SGMS1: variants seen among roughly 807,000 people sequenced by gnomAD.
The protein encoded by SGMS1 is sphingomyelin synthase 1.
SGMS1 carries 13 observed loss-of-function variants against 46.2 expected under a neutral mutation model. The observed-to-expected ratio is 0.28, with a 90% CI of 0.18 to 0.45. The LOEUF is 0.45. Ranked by LOEUF, SGMS1 falls within the 20% of genes least tolerant of loss-of-function variation. The pLI is 1.00. For synonymous variants in SGMS1, 203 were observed against 187.8 expected (o/e 1.08, Z -0.66); for missense variants, 324 against 519.9 (o/e 0.62, Z 3.66).
intron 6 of SGMS1, among the ~76,000 whole-genome samples, chr10:50,416,404 T>C (rs918251923): frequency 1.3e-5 from 2 of 152,250 alleles, no homozygotes; most frequent in Non-Finnish European, 1.5e-5. Flanking sequence ...AAGTAATGTA[T>C]ACAAAGCATC....
At position 50,558,078 on chromosome 10, in the gene SGMS1, T is replaced by A. The variant is rs117969139; in HGVS notation, c.-589+32075A>T. Reference sequence around the variant, plus strand: ...CTCACCTTGAAATTAAGAAACTGAGTCCCAGGGAAGTTAAGCTAATTGTCA... The same window carrying A: ...CTCACCTTGAAATTAAGAAACTGAGACCCAGGGAAGTTAAGCTAATTGTCA... On this transcript the variant is annotated intron_variant, in intron 2 of 10. Transcript: ENST00000361781. 4.4e-3 allele frequency among the ~76,000 whole-genome samples: 670 copies of A among 152,176 alleles called. 4 individuals are homozygous for A. The highest frequency in any genetic ancestry group is 4.3e-3 in the Non-Finnish European group (294 of 68,014).
At chr10:50,408,311 A>G (rs1849046319) in intron 6 of SGMS1, among the ~76,000 whole-genome samples, 1 of 151,906 alleles carries the variant, frequency 6.6e-6, no homozygotes, top group Non-Finnish European at 1.5e-5. Context: ...CAGTTTAAAA[A>G]CATTATAACT....
At chr10:50,514,329 CCCTTTCTT>C (rs1379564465) in intron 3 of SGMS1, among the ~76,000 whole-genome samples, 1 of 152,170 alleles carries the variant, frequency 6.6e-6, no homozygotes, top group Non-Finnish European at 1.5e-5. Flanking sequence ...TATCCATTCT[CCCTTTCTT>C]CCTTATAACA....
chr10:50,353,578 G>A (rs1423391958), intron 6 of SGMS1, among the ~76,000 whole-genome samples: 1 of 152,296 alleles, frequency 6.6e-6, no homozygotes, highest in Non-Finnish European at 1.5e-5. Flanking sequence ...AGTGTTGGAA[G>A]TTCTGGCCAG....
chr10:50,338,084 G>C (rs557279962), intron 7 of SGMS1, among the ~76,000 whole-genome samples: 2 of 152,240 alleles, frequency 1.3e-5, no homozygotes, highest in East Asian at 3.9e-4. Context: ...AGCAGGATCT[G>C]TGGTCATCAT....
intron 3 of SGMS1, among the ~76,000 whole-genome samples, chr10:50,511,997 G>A (rs1312907537): frequency 6.6e-6 from 1 of 152,132 alleles, no homozygotes; most frequent in East Asian, 1.9e-4. Context: ...CACAGTAGAT[G>A]TCAATAAACA....
intron 7 of SGMS1, among the ~76,000 whole-genome samples, chr10:50,329,911 G>A (rs1434974838): frequency 1.3e-5 from 2 of 152,000 alleles, no homozygotes; most frequent in African/African-American, 4.8e-5. Flanking sequence ...AGAGCACTAG[G>A]CTCATTATTA....
chr10:50,492,581 G>C (rs952201765), intron 3 of SGMS1, among the ~76,000 whole-genome samples: 7 of 152,052 alleles, frequency 4.6e-5, no homozygotes, highest in African/African-American at 1.7e-4. Context: ...AAATACCTAG[G>C]AATACAGGTA....
At chr10:50,335,622 G>C (rs1445033131) in intron 7 of SGMS1, 2 of 152,176 alleles carry the variant, frequency 1.3e-5, no homozygotes, top group Non-Finnish European at 2.9e-5. Context: ...AGGCTGGTGG[G>C]ACACAGATGT....
intron 8 of SGMS1, among the ~76,000 whole-genome samples, chr10:50,314,034 C>T (rs1329508087): frequency 6.6e-6 from 1 of 151,612 alleles, no homozygotes; most frequent in African/African-American, 2.4e-5. Context: ...AATTACAAAA[C>T]AGTTGCAGCA....
intron 2 of SGMS1, among the ~76,000 whole-genome samples, chr10:50,544,068 G>GAT (rs1326693818): frequency 1.1e-4 from 16 of 152,160 alleles, no homozygotes; most frequent in South Asian, 2.1e-4. Flanking sequence ...TGTAGGTTCT[G>GAT]ATACATTTAT....
intron 2 of SGMS1, among the ~76,000 whole-genome samples, chr10:50,529,449 A>G (rs186851449): frequency 9.8e-5 from 15 of 152,330 alleles, no homozygotes; most frequent in African/African-American, 3.6e-4. Context: ...CAGCCATACT[A>G]CAAAATGTAG....
chr10:50,469,662 T>C (rs4935165), intron 3 of SGMS1, among the ~76,000 whole-genome samples: 52,576 of 152,006 alleles, frequency 0.35, 9,288 homozygotes, highest in Admixed American at 0.4. Flanking sequence ...CCTAATGACA[T>C]TCAGAATACT....
chr10:50,443,704 G>A (rs1849573888), intron 5 of SGMS1, among the ~76,000 whole-genome samples: 1 of 151,772 alleles, frequency 6.6e-6, no homozygotes. Flanking sequence ...AAGGAATGAG[G>A]AACCTTGGAA....
At chr10:50,606,509 T>G (rs567007362) in intron 1 of SGMS1, among the ~76,000 whole-genome samples, 25 of 152,362 alleles carry the variant, frequency 1.6e-4, no homozygotes, top group Middle Eastern at 3.4e-3. Flanking sequence ...AAGATGTTTG[T>G]ACTTGTTTAA....
intron 3 of SGMS1, among the ~76,000 whole-genome samples, chr10:50,494,182 A>C (rs568941898): frequency 6.5e-4 from 99 of 152,372 alleles, no homozygotes; most frequent in Non-Finnish European, 1.2e-3. Flanking sequence ...TGTTGGTGGG[A>C]GTGTAAATTA....
chr10:50,314,818 G>A (rs140038070), intron 8 of SGMS1, among the ~76,000 whole-genome samples: 159 of 152,278 alleles, frequency 1.0e-3, no homozygotes, highest in Non-Finnish European at 1.9e-3. Flanking sequence ...CTACTTGGAA[G>A]GCTAAGGTGG....
chr10:50,388,918 G>A (rs1282811270), intron 6 of SGMS1, among the ~76,000 whole-genome samples: 15 of 152,144 alleles, frequency 9.9e-5, no homozygotes, highest in African/African-American at 3.6e-4. Flanking sequence ...AGTCTAGAGC[G>A]CCGATGTACA....
At chr10:50,342,031 A>G (rs1428227487) in intron 7 of SGMS1, among the ~76,000 whole-genome samples, 1 of 152,178 alleles carries the variant, frequency 6.6e-6, no homozygotes, top group African/African-American at 2.4e-5. Context: ...TTGATGAAAA[A>G]CCGGAAAAGG....
Sources: gnomAD v4.1 joint callset for allele counts (sites outside exome capture counted in the v4.1 genomes callset) on GRCh38, gnomAD v4.1.1 for gene constraint, MANE v1.5 for transcripts, NCBI Gene and HGNC (gene_info 2026-07-23, HGNC 2026-07-21) for gene names.